The following TRIAP1 variants were observed in gnomAD, a reference collection of about 807,000 sequenced individuals.
TRIAP1 encodes TP53 regulated inhibitor of apoptosis 1, also known as TP53-regulated inhibitor of apoptosis 1.
In TRIAP1, 8 loss-of-function variants were observed where a neutral mutation model predicts 8.4. The observed-to-expected ratio is 0.96, with a 90% confidence interval of 0.56 to 1.73. The LOEUF is 1.73. Ranked by LOEUF, TRIAP1 falls within the 40% of genes most tolerant of loss-of-function variation. The pLI, the probability that TRIAP1 is intolerant of heterozygous loss-of-function variation, is 0.00. For missense variants in TRIAP1, 90 were observed against 96.9 expected (o/e 0.93, Z 0.30); for synonymous variants, 35 against 34.0 (o/e 1.03, Z -0.10).
Position 120,444,864 on chromosome 12 carries a change from T to A in TRIAP1, c.*8A>T. On this transcript the variant is annotated 3_prime_UTR_variant, in exon 2 of 2. Coordinates refer to ENST00000546954, the MANE Select transcript of TRIAP1 (RefSeq NM_016399.3). Reference sequence around the variant, plus strand: ...GACTTGCGAAATCCTTCAAGGTGACTGTCAAGGTCAAGAAGAATTTTCAGG... The same window carrying A: ...GACTTGCGAAATCCTTCAAGGTGACAGTCAAGGTCAAGAAGAATTTTCAGG... 1 of 1,611,260 alleles carries A rather than the reference T, an allele frequency of 6.2e-7. No individual in the cohort carries two copies. The highest frequency in any genetic ancestry group is 8.5e-7 in the Non-Finnish European group (1 of 1,178,062).
Position 120,446,214 on chromosome 12 carries a change from G to A in TRIAP1, c.147+12C>T, listed in dbSNP as rs1351907496. The A allele has an allele frequency of 5.6e-6, 9 of 1,611,362 alleles. No homozygotes were observed. Among genetic ancestry groups the A allele is most frequent in the Non-Finnish European group, 6.8e-6 (8 of 1,178,012 alleles). On this transcript the variant is annotated intron_variant, in intron 1 of 1. Coordinates refer to ENST00000546954, the MANE Select transcript of TRIAP1 (RefSeq NM_016399.3). ...GAATGCAGGGCCTGGGAACAGAGGC[G>A]GGAGGGCTCACCTGAACACACTGCT...
intron 1 of TRIAP1, 137 bp from the exon 2 acceptor site, chr12:120,445,092 T>C (rs994135259): frequency 1.0e-5 from 7 of 690,994 alleles, no homozygotes; most frequent in Middle Eastern, 7.7e-4. Flanking sequence ...CCACATACTT[T>C]TTAAAAAACA....
intron 1 of TRIAP1, among the ~76,000 whole-genome samples, chr12:120,445,356 A>G (rs1877823249): frequency 6.6e-6 from 1 of 152,194 alleles, no homozygotes; most frequent in Admixed American, 6.5e-5. Context: ...GTGCCATTGC[A>G]CTCCAGGCTG....
chr12:120,446,176 G>C (rs754511309), intron 1 of TRIAP1, 50 bp downstream of exon 1: 2 of 1,604,446 alleles, frequency 1.2e-6, no homozygotes, highest in Non-Finnish European at 1.7e-6. Flanking sequence ...AGTGTGGTGG[G>C]ACACAGCGCC....
rs1151844 is a variant in TRIAP1, at chr12:120,445,435, G to A, written c.148-480C>T. On this transcript the variant is annotated intron_variant, in intron 1 of 1. Coordinates refer to ENST00000546954, the MANE Select transcript of TRIAP1 (RefSeq NM_016399.3). ...AAGTACCATAATGAATAAATCAAGT[G>A]TAAGACCTGAGGGAGACTGGAAAAG... is the stretch of plus-strand genomic sequence containing the variant. Among the ~76,000 whole-genome samples the A allele has an allele frequency of 3.1e-3, 478 of 152,262 alleles. 1 individual carries two copies. The highest frequency in any genetic ancestry group is 0.011 in the African/African-American group (453 of 41,562).
chr12:120,445,985 C>A, intron 1 of TRIAP1: 1 of 535,678 alleles, frequency 1.9e-6, no homozygotes, highest in Non-Finnish European at 3.2e-6. Flanking sequence ...TTAGGGTGAA[C>A]ACCAAATGAA....
Position 120,444,707 on chromosome 12 carries a change from G to A in TRIAP1, c.*165C>T. The A allele has an allele frequency of 1.5e-6, 1 of 651,400 alleles. No homozygotes were observed. The highest frequency in any genetic ancestry group is 2.7e-6 in the Non-Finnish European group (1 of 365,534). 40.4% of individuals were successfully genotyped at this position (651,400 alleles called of 1,614,324 possible). A position where few individuals can be genotyped will look rare whatever the true frequency, so the allele number is the denominator to read the frequency against. ...ACAGCAGGTGAGAAATCATCTCAAA[G>A]AGTTCATCTTTTACAACTGAGAGGA... On this transcript the variant is annotated 3_prime_UTR_variant, in exon 2 of 2. Transcript: ENST00000546954.
chr12:120,445,005 G>T, intron 1 of TRIAP1, 50 bp from the exon 2 acceptor site: 1 of 1,314,554 alleles, frequency 7.6e-7, no homozygotes, highest in Non-Finnish European at 1.1e-6. Context: ...AGCTTAAGTT[G>T]CAAGCTTTGT....
Position 120,444,956 on chromosome 12 carries a change from C to G in TRIAP1, c.148-1G>C. On this transcript the variant is annotated splice_acceptor_variant, in intron 1 of 1. Coordinates refer to ENST00000546954, the MANE Select transcript of TRIAP1 (RefSeq NM_016399.3). LOFTEE classifies it high-confidence loss of function. ...GAATCTCTTTCTCCTTTATTGCTTT[C>G]TGGTAGGAGGAGAAAACACATTATA... is the stretch of plus-strand genomic sequence containing the variant. 1.2e-6 allele frequency: 2 copies of G among 1,610,690 alleles called. No individual in the cohort carries two copies. The highest frequency in any genetic ancestry group is 1.7e-6 in the Non-Finnish European group (2 of 1,177,950).
At chr12:120,446,098 T>A in intron 1 of TRIAP1, 128 bp downstream of exon 1, 1 of 1,355,356 alleles carries the variant, frequency 7.4e-7, no homozygotes, top group Non-Finnish European at 9.9e-7. Flanking sequence ...AGCGAGCTCC[T>A]GCCACTGGCC....
chr12:120,445,798 C>T (rs1248951391), intron 1 of TRIAP1, among the ~76,000 whole-genome samples: 1 of 152,166 alleles, frequency 6.6e-6, no homozygotes, highest in Non-Finnish European at 1.5e-5. Flanking sequence ...TGTGACCCTC[C>T]AGTCTGAATT....
At chr12:120,445,104 G>C (rs1389009915) in intron 1 of TRIAP1, 149 bp from the exon 2 acceptor site, 1 of 641,268 alleles carries the variant, frequency 1.6e-6, no homozygotes, top group Non-Finnish European at 2.6e-6. Context: ...TAAAAAACAA[G>C]TACCGGTCAG....
intron 1 of TRIAP1, 99 bp from the exon 2 acceptor site, chr12:120,445,054 T>TTA: frequency 1.2e-6 from 1 of 847,128 alleles, no homozygotes; most frequent in Non-Finnish European, 1.9e-6. Flanking sequence ...ATCAAGCTGA[T>TTA]TATAAAGACT....
At chr12:120,446,090 C>A (rs147766684) in intron 1 of TRIAP1, 136 bp downstream of exon 1, 214 of 1,274,762 alleles carry the variant, frequency 1.7e-4, no homozygotes, top group Non-Finnish European at 2.2e-4. Context: ...GGTAGGGGAG[C>A]GAGCTCCTGC....
At position 120,446,327 on chromosome 12, in the gene TRIAP1, C is replaced by T; in HGVS notation, c.46G>A (p.Asp16Asn). ...EACTDMKREYDQCFNRWFAEK... is the reference protein window; with the variant it reads ...EACTDMKREYNQCFNRWFAEK... ...GCGAACCAGCGATTGAAGCACTGGT[C>T]GTACTCGCGCTTCATGTCCGTGCAT... Residue 16 changes from aspartate to asparagine, a missense_variant, in exon 1 of 2, where the codon GAC becomes AAC. Transcript: ENST00000546954. 6.2e-7 allele frequency: 1 copy of T among 1,614,230 alleles called. No individual in the cohort carries two copies. Among genetic ancestry groups the T allele is most frequent in the Non-Finnish European group, 8.5e-7 (1 of 1,180,050 alleles).
rs537566997 is a variant in TRIAP1 at position 120,444,508 on chromosome 12, T to C, written c.*364A>G. On this transcript the variant is annotated 3_prime_UTR_variant, in exon 2 of 2. Coordinates refer to ENST00000546954, the MANE Select transcript of TRIAP1 (RefSeq NM_016399.3). ...TTCATAAATAGTGACCCCAGTACAG[T>C]GTATATGTCTTTTGCAGCAGAAATC... The C allele has an allele frequency of 1.0e-5, 3 of 297,032 alleles. No individual in the cohort carries two copies. The highest frequency in any genetic ancestry group is 9.3e-5 in the South Asian group (3 of 32,212). The allele number at this position is 297,032 out of a possible 1,614,324, so 18.4% of individuals were successfully genotyped here.
At position 120,444,675 on chromosome 12, in the gene TRIAP1, A is replaced by G. The variant is rs1877804103; in HGVS notation, c.*197T>C. 2 of 566,012 alleles carry G rather than the reference A, an allele frequency of 3.5e-6. No homozygotes were observed. The highest frequency in any genetic ancestry group is 3.8e-5 in the African/African-American group (2 of 52,598). The allele number at this position is 566,012 out of a possible 1,614,324, so 35.1% of individuals were successfully genotyped here. On this transcript the variant is annotated 3_prime_UTR_variant, in exon 2 of 2. Transcript: ENST00000546954. ...TCAATTTTAGCACACAGTTCCTGCA[A>G]GATACCACAGCAGGTGAGAAATCAT...
In TRIAP1 at chr12:120,444,680, C is replaced by T; in HGVS notation, c.*192G>A. ...TTTAGCACACAGTTCCTGCAAGATACCACAGCAGGTGAGAAATCATCTCAA... is the reference window on the plus strand; with the variant it reads ...TTTAGCACACAGTTCCTGCAAGATATCACAGCAGGTGAGAAATCATCTCAA... On this transcript the variant is annotated 3_prime_UTR_variant, in exon 2 of 2. Transcript: ENST00000546954. 1.7e-6 allele frequency: 1 copy of T among 576,322 alleles called. No individual in the cohort carries two copies. Among genetic ancestry groups the T allele is most frequent in the Admixed American group, 3.2e-5 (1 of 30,770 alleles). The allele number at this position is 576,322 out of a possible 1,614,324, so 35.7% of individuals were successfully genotyped here. A position where few individuals can be genotyped will look rare whatever the true frequency, so the allele number is the denominator to read the frequency against.
chr12:120,445,053 A>G, intron 1 of TRIAP1, 98 bp from the exon 2 acceptor site: 1 of 885,702 alleles, frequency 1.1e-6, no homozygotes, highest in Non-Finnish European at 1.8e-6. Context: ...AATCAAGCTG[A>G]TTATAAAGAC....
Sources: allele counts gnomAD v4.1 joint callset (sites outside exome capture counted in the v4.1 genomes callset), GRCh38; gene constraint gnomAD v4.1.1; transcripts MANE v1.5; gene names NCBI Gene and HGNC (gene_info 2026-07-23, HGNC 2026-07-21).